Variants in ARL4C observed in about 807,000 individuals in gnomAD.
ARL4C encodes ADP-ribosylation factor-like protein 4C.
ARL4C carries 5 observed loss-of-function variants against 12.8 expected under a neutral mutation model. The observed-to-expected ratio is 0.39, with a 90% confidence interval of 0.20 to 0.82. ARL4C has a LOEUF of 0.82. ARL4C is among the 40% of genes least tolerant of loss of function. The pLI, the probability that ARL4C is intolerant of heterozygous loss-of-function variation, is 0.39. For synonymous variants in ARL4C, 119 were observed against 119.4 expected, an observed-to-expected ratio of 1.00 and a Z score of 0.02; for missense variants, 148 against 265.2, an observed-to-expected ratio of 0.56 and a Z score of 3.07.
In ARL4C at chr2:234,493,185, A is replaced by G. The variant is rs759172572; in HGVS notation, c.*2621T>C. The stretch of plus-strand genomic sequence containing the variant: ...AACCAGGGCACACAGTTCCAACACC[A>G]GAACAGAGAATTTGGGAAGATAATT... On this transcript the variant is annotated 3_prime_UTR_variant, in exon 2 of 2. Coordinates refer to ENST00000339728, the MANE Select transcript of ARL4C (RefSeq NM_001282431.2). 2 of 152,672 alleles carry G rather than the reference A, an allele frequency of 1.3e-5. No individual in the cohort carries two copies. The highest frequency in any genetic ancestry group is 4.8e-5 in the African/African-American group (2 of 41,476). The allele number at this position is 152,672 out of a possible 1,614,324, so 9.5% of individuals were successfully genotyped here.
Position 234,495,680 on chromosome 2 carries a change from G to T in ARL4C, c.*126C>A. ...TGAGCCTTCCACCTGGGGCTGGGAGGGCGGACAGCAGGACCGGCTCTTCCA... is the reference window on the plus strand; with the variant it reads ...TGAGCCTTCCACCTGGGGCTGGGAGTGCGGACAGCAGGACCGGCTCTTCCA... On this transcript the variant is annotated 3_prime_UTR_variant, in exon 2 of 2. Transcript: ENST00000339728. 1.6e-6 allele frequency: 2 copies of T among 1,216,006 alleles called. No individual in the cohort carries two copies. The highest frequency in any genetic ancestry group is 1.5e-5 in the African/African-American group (1 of 67,446). The allele number at this position is 1,216,006 out of a possible 1,614,324, so 75.3% of individuals were successfully genotyped here.
At position 234,496,628 on chromosome 2, in the gene ARL4C, G is replaced by A. The variant is rs1240853621; in HGVS notation, c.-42C>T. The A allele has an allele frequency of 1.4e-6, 2 of 1,404,168 alleles. No homozygotes were observed. Among genetic ancestry groups the A allele is most frequent in the Non-Finnish European group, 1.9e-6 (2 of 1,075,162 alleles). The allele number at this position is 1,404,168 out of a possible 1,614,324, so 87.0% of individuals were successfully genotyped here. ...GCCAGCCACTGCGGCTGCGGCGGGA[G>A]GGCGCCGCCCCCCGAGCAGTCACGG... On this transcript the variant is annotated 5_prime_UTR_variant, in exon 1 of 2. Coordinates refer to ENST00000339728, the MANE Select transcript of ARL4C (RefSeq NM_001282431.2).
rs532134198 is a variant in ARL4C at position 234,494,514 on chromosome 2, A to G, written c.*1292T>C. ...GCTGGCTCCGAAGGCCAGTTCCCAC[A>G]AGAATGAATTCGGAAAGACTTCATC... On this transcript the variant is annotated 3_prime_UTR_variant, in exon 2 of 2. Transcript: ENST00000339728. The G allele has an allele frequency of 2.6e-5, 4 of 152,788 alleles. No homozygotes were observed. Among genetic ancestry groups the G allele is most frequent in the African/African-American group, 9.6e-5 (4 of 41,588 alleles). The allele number at this position is 152,788 out of a possible 1,614,324, so 9.5% of individuals were successfully genotyped here.
rs559850530 is a variant in ARL4C at position 234,494,432 on chromosome 2, G to A, written c.*1374C>T. The stretch of plus-strand genomic sequence containing the variant: ...GTGCCTGAGTACCAGTGACCATGAC[G>A]TCACACTTTCTTTTATCTCAAGCAC... On this transcript the variant is annotated 3_prime_UTR_variant, in exon 2 of 2. Coordinates refer to ENST00000339728, the MANE Select transcript of ARL4C (RefSeq NM_001282431.2). The A allele has an allele frequency of 2.0e-5, 3 of 152,672 alleles. No individual in the cohort carries two copies. The highest frequency in any genetic ancestry group is 2.1e-4 in the South Asian group (1 of 4,814). The allele number at this position is 152,672 out of a possible 1,614,324, so 9.5% of individuals were successfully genotyped here.
Position 234,495,649 on chromosome 2 carries a change from G to C in ARL4C, c.*157C>G. 6.4e-6 allele frequency: 6 copies of C among 931,364 alleles called. No homozygotes were observed. Among genetic ancestry groups the C allele is most frequent in the Non-Finnish European group, 9.9e-6 (6 of 606,230 alleles). 57.7% of individuals were successfully genotyped at this position (931,364 alleles called of 1,614,324 possible). On this transcript the variant is annotated 3_prime_UTR_variant, in exon 2 of 2. Coordinates refer to ENST00000339728, the MANE Select transcript of ARL4C (RefSeq NM_001282431.2). ...GGGAAGAAATCGCTTTTGTCTTTCC[G>C]ACAACTGAGCCTTCCACCTGGGGCT...
chr2:234,493,928 A>C lies in ARL4C; in HGVS notation c.*1878T>G, dbSNP rs1217537061. ...GTTTCTACAAAAAGACCAGCATTGGAGGGGTACCAAATACACCGACAAAAG... is the reference window on the plus strand; with the variant it reads ...GTTTCTACAAAAAGACCAGCATTGGCGGGGTACCAAATACACCGACAAAAG... On this transcript the variant is annotated 3_prime_UTR_variant, in exon 2 of 2. Coordinates refer to ENST00000339728, the MANE Select transcript of ARL4C (RefSeq NM_001282431.2). 2 of 152,748 alleles carry C rather than the reference A, an allele frequency of 1.3e-5. No individual in the cohort carries two copies. Among genetic ancestry groups the C allele is most frequent in the East Asian group, 3.9e-4 (2 of 5,190 alleles). 9.5% of individuals were successfully genotyped at this position (152,748 alleles called of 1,614,324 possible). A position where few individuals can be genotyped will look rare whatever the true frequency, so the allele number is the denominator to read the frequency against.
At position 234,493,049 on chromosome 2, in the gene ARL4C, T is replaced by C. The variant is rs1042288983; in HGVS notation, c.*2757A>G. On this transcript the variant is annotated 3_prime_UTR_variant, in exon 2 of 2. Transcript: ENST00000339728. Reference sequence around the variant, plus strand: ...GAAAATCTCCCCAGTCATTTGATTGTATAAATAATTTATTTCTGTTCACAG... The same window carrying C: ...GAAAATCTCCCCAGTCATTTGATTGCATAAATAATTTATTTCTGTTCACAG... 6.6e-6 allele frequency: 1 copy of C among 152,654 alleles called. No individual in the cohort carries two copies. Among genetic ancestry groups the C allele is most frequent in the African/African-American group, 2.4e-5 (1 of 41,450 alleles). The allele number at this position is 152,654 out of a possible 1,614,324, so 9.5% of individuals were successfully genotyped here. A position where few individuals can be genotyped will look rare whatever the true frequency, so the allele number is the denominator to read the frequency against.
rs1293958835 is a variant in ARL4C at position 234,496,683 on chromosome 2, C to A, written c.-97G>T. ...GACGCGGCCGGGCGCACCTGGGCCC[C>A]GCCCGCCGCCGCCCGCACCGGCCCC... On this transcript the variant is annotated 5_prime_UTR_variant, in exon 1 of 2. Coordinates refer to ENST00000339728, the MANE Select transcript of ARL4C (RefSeq NM_001282431.2). 3 of 596,030 alleles carry A rather than the reference C, an allele frequency of 5.0e-6. No individual in the cohort carries two copies. Among genetic ancestry groups the A allele is most frequent in the Non-Finnish European group, 6.3e-6 (3 of 475,384 alleles). The allele number at this position is 596,030 out of a possible 1,614,324, so 36.9% of individuals were successfully genotyped here. A position where few individuals can be genotyped will look rare whatever the true frequency, so the allele number is the denominator to read the frequency against.
rs1691739877 is a variant in ARL4C at position 234,493,967 on chromosome 2, GGGCTGCTA to G, written c.*1831_*1838del. The G allele has an allele frequency of 6.6e-6, 1 of 152,588 alleles. No homozygotes were observed. The highest frequency in any genetic ancestry group is 1.5e-5 in the Non-Finnish European group (1 of 68,030). 9.5% of individuals were successfully genotyped at this position (152,588 alleles called of 1,614,324 possible). Reference sequence around the variant, plus strand: ...CACCGACAAAAGAGAAAAAGCAGATGGGCTGCTAGGTTTCTGCTTTTAAAAAATTTCAT... The same window carrying G: ...CACCGACAAAAGAGAAAAAGCAGATGGGTTTCTGCTTTTAAAAAATTTCAT... On this transcript the variant is annotated 3_prime_UTR_variant, in exon 2 of 2. Coordinates refer to ENST00000339728, the MANE Select transcript of ARL4C (RefSeq NM_001282431.2).
rs1691728154 is a variant in ARL4C, at chr2:234,493,142, A to G, written c.*2664T>C. The G allele has an allele frequency of 6.5e-6, 1 of 152,708 alleles. No homozygotes were observed. Among genetic ancestry groups the G allele is most frequent in the Non-Finnish European group, 1.5e-5 (1 of 68,056 alleles). The allele number at this position is 152,708 out of a possible 1,614,324, so 9.5% of individuals were successfully genotyped here. A position where few individuals can be genotyped will look rare whatever the true frequency, so the allele number is the denominator to read the frequency against. On this transcript the variant is annotated 3_prime_UTR_variant, in exon 2 of 2. Transcript: ENST00000339728. Reference sequence around the variant, plus strand: ...GGATGATGAGACAGAGAATTACAGCAGTAGAAAGGAAAACAGAAACCAGGG... The same window carrying G: ...GGATGATGAGACAGAGAATTACAGCGGTAGAAAGGAAAACAGAAACCAGGG...
Position 234,495,513 on chromosome 2 carries a change from C to G in ARL4C, c.*293G>C. On this transcript the variant is annotated 3_prime_UTR_variant, in exon 2 of 2. Transcript: ENST00000339728. The stretch of plus-strand genomic sequence containing the variant: ...AGGTGGTCCCCCCAGAACCAACATG[C>G]CCCCCAAGGTGGGTACGCCCACGGT... The G allele has an allele frequency of 3.5e-6, 2 of 565,742 alleles. No homozygotes were observed. The highest frequency in any genetic ancestry group is 6.3e-6 in the Non-Finnish European group (2 of 315,840). The allele number at this position is 565,742 out of a possible 1,614,324, so 35.0% of individuals were successfully genotyped here. A position where few individuals can be genotyped will look rare whatever the true frequency, so the allele number is the denominator to read the frequency against.
At position 234,496,701 on chromosome 2, in the gene ARL4C, C is replaced by T; in HGVS notation, c.-115G>A. On this transcript the variant is annotated 5_prime_UTR_variant, in exon 1 of 2. The change creates a new upstream start codon in the 5' untranslated region. Coordinates refer to ENST00000339728, the MANE Select transcript of ARL4C (RefSeq NM_001282431.2). ...TGGGCCCCGCCCGCCGCCGCCCGCA[C>T]CGGCCCCGGGGCTCGGCGTCCCCGC... 2.1e-6 allele frequency: 1 copy of T among 476,640 alleles called. No homozygotes were observed. The highest frequency in any genetic ancestry group is 2.7e-6 in the Non-Finnish European group (1 of 367,582). 29.5% of individuals were successfully genotyped at this position (476,640 alleles called of 1,614,324 possible).
At position 234,493,836 on chromosome 2, in the gene ARL4C, G is replaced by T. The variant is rs1478977891; in HGVS notation, c.*1970C>A. 2 of 152,516 alleles carry T rather than the reference G, an allele frequency of 1.3e-5. No individual in the cohort carries two copies. Among genetic ancestry groups the T allele is most frequent in the Non-Finnish European group, 2.9e-5 (2 of 68,034 alleles). 9.4% of individuals were successfully genotyped at this position (152,516 alleles called of 1,614,324 possible). On this transcript the variant is annotated 3_prime_UTR_variant, in exon 2 of 2. Transcript: ENST00000339728. ...AGCCCATTTAGAAATCAGTGGATAT[G>T]CTGTCGATATGTAAACTGAAATCTT...
In ARL4C at chr2:234,495,752, A is replaced by C. The variant is rs1691772341; in HGVS notation, c.*54T>G. 6.3e-7 allele frequency: 1 copy of C among 1,596,660 alleles called. No homozygotes were observed. Among genetic ancestry groups the C allele is most frequent in the Admixed American group, 1.7e-5 (1 of 60,024 alleles). On this transcript the variant is annotated 3_prime_UTR_variant, in exon 2 of 2. Transcript: ENST00000339728. ...CCTGGTCAGTAGCTCTGGCGTTCAG[A>C]CAAAAGGTCCCCTGAGCTGGGGGTG...
Position 234,495,073 on chromosome 2 carries a change from T to C in ARL4C, c.*733A>G, listed in dbSNP as rs1261023318. The C allele has an allele frequency of 2.0e-5, 3 of 152,854 alleles. No homozygotes were observed. Among genetic ancestry groups the C allele is most frequent in the African/African-American group, 7.2e-5 (3 of 41,380 alleles). 9.5% of individuals were successfully genotyped at this position (152,854 alleles called of 1,614,324 possible). ...AGCATTTACACCAAAAGCCTTACCC[T>C]TTAAACACCTTTAACTATCCTGCAA... On this transcript the variant is annotated 3_prime_UTR_variant, in exon 2 of 2. Transcript: ENST00000339728.
chr2:234,496,043 G>A lies in ARL4C; in HGVS notation c.544C>T (p.Arg182Cys), dbSNP rs762155313. ...TTCTTCTGCTTGAGGGACTTCCTGC[G>A]TTTCAGGATCATCTCATAGAGCTTG... ...MDKLYEMILK[R>C]RKSLKQKKKR... Residue 182 changes from arginine (R) to cysteine (C), a missense_variant, in exon 1 of 2, where the codon CGC (arginine) becomes TGC (cysteine). Transcript: ENST00000339728. 6.2e-7 allele frequency: 1 copy of A among 1,606,848 alleles called. No individual in the cohort carries two copies. Among genetic ancestry groups the A allele is most frequent in the Non-Finnish European group, 8.5e-7 (1 of 1,176,174 alleles).
chr2:234,493,896 C>T lies in ARL4C; in HGVS notation c.*1910G>A, dbSNP rs1467995763. ...TCAACACTGCTTAGCTAGACTTTCT[C>T]TACTGAGTTTCTACAAAAAGACCAG... On this transcript the variant is annotated 3_prime_UTR_variant, in exon 2 of 2. Transcript: ENST00000339728. The T allele has an allele frequency of 6.6e-6, 1 of 152,518 alleles. No individual in the cohort carries two copies. Among genetic ancestry groups the T allele is most frequent in the Non-Finnish European group, 1.5e-5 (1 of 68,022 alleles). 9.4% of individuals were successfully genotyped at this position (152,518 alleles called of 1,614,324 possible). A position where few individuals can be genotyped will look rare whatever the true frequency, so the allele number is the denominator to read the frequency against.
chr2:234,495,679 G>T lies in ARL4C; in HGVS notation c.*127C>A. The T allele has an allele frequency of 1.7e-6, 2 of 1,204,608 alleles. No homozygotes were observed. The highest frequency in any genetic ancestry group is 2.4e-6 in the Non-Finnish European group (2 of 828,710). 74.6% of individuals were successfully genotyped at this position (1,204,608 alleles called of 1,614,324 possible). ...CTGAGCCTTCCACCTGGGGCTGGGA[G>T]GGCGGACAGCAGGACCGGCTCTTCC... On this transcript the variant is annotated 3_prime_UTR_variant, in exon 2 of 2. Transcript: ENST00000339728.
Position 234,496,824 on chromosome 2 carries a change from C to G in ARL4C, c.-238G>C, listed in dbSNP as rs1306299763. On this transcript the variant is annotated 5_prime_UTR_variant, in exon 1 of 2. Coordinates refer to ENST00000339728, the MANE Select transcript of ARL4C (RefSeq NM_001282431.2). ...ATCGCGTCTCTACGCGCGGCTTTGT[C>G]TCCCGCGAAGCCGCCTCAGATGTTC... is the stretch of plus-strand genomic sequence containing the variant. The G allele has an allele frequency of 1.3e-5, 2 of 149,746 alleles. No individual in the cohort carries two copies. Among genetic ancestry groups the G allele is most frequent in the Non-Finnish European group, 3.0e-5 (2 of 67,310 alleles). 9.3% of individuals were successfully genotyped at this position (149,746 alleles called of 1,614,324 possible). A position where few individuals can be genotyped will look rare whatever the true frequency, so the allele number is the denominator to read the frequency against.
Sources: allele counts gnomAD v4.1 joint callset, GRCh38; gene constraint gnomAD v4.1.1; transcripts MANE v1.5; gene names NCBI Gene and HGNC (gene_info 2026-07-23, HGNC 2026-07-21).